The following MLF1 variants were observed in gnomAD, a reference collection of about 807,000 sequenced individuals.
MLF1 encodes myeloid leukemia factor 1, also known as myelodysplasia-myeloid leukemia factor 1.
Under a neutral mutation model 38.3 loss-of-function variants are expected in MLF1, and 37 were observed. That is an observed-to-expected ratio of 0.96 (90% CI 0.74 to 1.27). MLF1 has a LOEUF of 1.27. Ranked by LOEUF, MLF1 falls within the 50% of genes most tolerant of loss-of-function variation. The pLI, the probability that MLF1 is intolerant of heterozygous loss-of-function variation, is 0.00. For synonymous variants in MLF1, 95 were observed against 106.5 expected (o/e 0.89, Z 0.66); for missense variants, 331 against 349.2 (o/e 0.95, Z 0.42).
At chr3:158,588,048 G>A (rs1717511626) in intron 1 of MLF1, among the ~76,000 whole-genome samples, 1 of 152,120 alleles carries the variant, frequency 6.6e-6, no homozygotes, top group Admixed American at 6.5e-5. Flanking sequence ...TCTGTCTTAG[G>A]TGTTCTCTCA....
chr3:158,593,382 G>A lies in MLF1; in HGVS notation c.196G>A (p.Ala66Thr). Reference sequence around the variant, plus strand: ...AATGAATTGGATATTATTTTTCCAGGCAACGAGTTGTTCTCTTGTGCCTTT... The same window carrying A: ...AATGAATTGGATATTATTTTTCCAGACAACGAGTTGTTCTCTTGTGCCTTT... ...GHNDGEDSLT[A>T]TSCSLVPFGD... The change falls in exon 3 of 8, where the codon GCA becomes ACA. Residue 66 changes from alanine to threonine, a missense_variant and splice_region_variant. Ala to Thr is a moderately conservative substitution (Grantham distance 58). Coordinates refer to ENST00000466246, the MANE Select transcript of MLF1 (RefSeq NM_001369783.1). The A allele has an allele frequency of 6.4e-7, 1 of 1,550,652 alleles. No homozygotes were observed. The highest frequency in any genetic ancestry group is 8.7e-7 in the Non-Finnish European group (1 of 1,153,942).
At chr3:158,584,137 A>G (rs967198478) in intron 1 of MLF1, among the ~76,000 whole-genome samples, 2 of 152,202 alleles carry the variant, frequency 1.3e-5, no homozygotes, top group Admixed American at 1.3e-4. Context: ...CTAACAACCA[A>G]AGACAGAGTT....
intron 1 of MLF1, among the ~76,000 whole-genome samples, chr3:158,588,211 A>G (rs961143624): frequency 5.3e-5 from 8 of 152,158 alleles, no homozygotes; most frequent in Non-Finnish European, 1.2e-4. Context: ...TCAAGACTTG[A>G]GATGACTAAA....
In MLF1 at chr3:158,593,406, T is replaced by G; in HGVS notation, c.220T>G (p.Phe74Val). Residue 74 changes from phenylalanine to valine, a missense_variant, in exon 3 of 8, where the codon TTT becomes GTT. Coordinates refer to ENST00000466246, the MANE Select transcript of MLF1 (RefSeq NM_001369783.1). ...GGCAACGAGTTGTTCTCTTGTGCCT[T>G]TTGGCGATTTTGGTGGTATGGTTCG... ...LTATSCSLVP[F>V]GDFGGMHTDV... is the part of the protein sequence containing the mutation. The G allele has an allele frequency of 1.9e-6, 3 of 1,561,758 alleles. No homozygotes were observed. Among genetic ancestry groups the G allele is most frequent in the Non-Finnish European group, 2.6e-6 (3 of 1,160,108 alleles).
At chr3:158,602,218 T>C (rs768934831) in intron 6 of MLF1, among the ~76,000 whole-genome samples, 4 of 152,186 alleles carry the variant, frequency 2.6e-5, no homozygotes, top group African/African-American at 4.8e-5. Context: ...ATATATATAC[T>C]GAGTATTTCA....
chr3:158,571,479 G>A, intron 1 of MLF1, 132 bp downstream of exon 1: 1 of 1,107,138 alleles, frequency 9.0e-7, no homozygotes, highest in South Asian at 1.4e-5. Context: ...GTTTGAAGGA[G>A]ACGAGGATTT....
rs1450186237 is a variant in MLF1, at chr3:158,571,381, C to G, written c.47+34C>G. On this transcript the variant is annotated intron_variant, in intron 1 of 7. Coordinates refer to ENST00000466246, the MANE Select transcript of MLF1 (RefSeq NM_001369783.1). Reference sequence around the variant, plus strand: ...CGGGAGCCAGGAGTCCGGGGTCGCGCGGGAATTAAGGTATCGAGGGGAGCT... The same window carrying G: ...CGGGAGCCAGGAGTCCGGGGTCGCGGGGGAATTAAGGTATCGAGGGGAGCT... The G allele has an allele frequency of 2.5e-6, 4 of 1,612,350 alleles. 1 individual carries two copies. Among genetic ancestry groups the G allele is most frequent in the African/African-American group, 2.7e-5 (2 of 74,766 alleles).
At chr3:158,600,552 T>C (rs900402675) in intron 6 of MLF1, among the ~76,000 whole-genome samples, 2 of 145,404 alleles carry the variant, frequency 1.4e-5, no homozygotes, top group Admixed American at 1.4e-4. Flanking sequence ...AATATTTTAA[T>C]GTATTTCTTC....
rs1031683925 is a variant in MLF1, at chr3:158,592,540, C to T, written c.154C>T (p.His52Tyr). The change falls in exon 2 of 8, where the codon CAT (histidine) becomes TAT (tyrosine). Residue 52 changes from histidine (H) to tyrosine (Y), a missense_variant. His to Tyr is a moderately conservative substitution (Grantham distance 83). Coordinates refer to ENST00000466246, the MANE Select transcript of MLF1 (RefSeq NM_001369783.1). ...TATCTCTGATGGTAGAGGGAGAGCTCATAATCGTAGAGGACATAATGATGG... is the reference window on the plus strand; with the variant it reads ...TATCTCTGATGGTAGAGGGAGAGCTTATAATCGTAGAGGACATAATGATGG... ...LSISDGRGRA[H>Y]NRRGHNDGED... The T allele has an allele frequency of 6.2e-7, 1 of 1,611,972 alleles. No homozygotes were observed. Among genetic ancestry groups the T allele is most frequent in the Non-Finnish European group, 8.5e-7 (1 of 1,179,442 alleles).
At chr3:158,582,999 T>G in intron 1 of MLF1, 1 of 603,616 alleles carries the variant, frequency 1.7e-6, no homozygotes, top group Non-Finnish European at 2.9e-6. Flanking sequence ...CAAATAATAA[T>G]AGGCACACAC....
At chr3:158,587,074 G>A (rs1360505865) in intron 1 of MLF1, among the ~76,000 whole-genome samples, 1 of 152,186 alleles carries the variant, frequency 6.6e-6, no homozygotes, top group Non-Finnish European at 1.5e-5. Context: ...GCAGATTCCT[G>A]ATAATATTGT....
Position 158,592,414 on chromosome 3 carries a change from AT to A in MLF1, c.48-18del. 1 of 1,589,070 alleles carries A rather than the reference AT, an allele frequency of 6.3e-7. No homozygotes were observed. On this transcript the variant is annotated intron_variant, in intron 1 of 7. Coordinates refer to ENST00000466246, the MANE Select transcript of MLF1 (RefSeq NM_001369783.1). ...AAACTCCAACACTGAATCTTTCATG[AT>A]TATGTATATTTTCAACAGTGAGTCC...
chr3:158,572,439 C>G (rs2731112), intron 1 of MLF1, among the ~76,000 whole-genome samples: 64,169 of 96,638 alleles, frequency 0.66, 20,257 homozygotes, highest in African/African-American at 0.73. Flanking sequence ...CGTGAGGTGG[C>G]GGTAAGAGGG....
intron 2 of MLF1, 143 bp from the exon 3 acceptor site, chr3:158,593,239 C>A: frequency 3.7e-6 from 2 of 538,432 alleles, no homozygotes; most frequent in Middle Eastern, 4.9e-4. Context: ...TCTAAGATAA[C>A]AAGCCCTCAG....
At chr3:158,604,727 C>T (rs550150993) in intron 7 of MLF1, among the ~76,000 whole-genome samples, 3 of 152,194 alleles carry the variant, frequency 2.0e-5, no homozygotes, top group East Asian at 3.9e-4. Context: ...GGCGCGATCT[C>T]AACTCACTGC....
At chr3:158,599,213 C>G (rs531559999) in intron 5 of MLF1, among the ~76,000 whole-genome samples, 3 of 152,210 alleles carry the variant, frequency 2.0e-5, no homozygotes, top group South Asian at 4.1e-4. Context: ...ATACATGGCT[C>G]CTTATACAGA....
chr3:158,588,985 T>A, intron 1 of MLF1: 1 of 433,658 alleles, frequency 2.3e-6, no homozygotes, highest in Non-Finnish European at 4.6e-6. Flanking sequence ...TAAATAGGAG[T>A]TTCCCCTCCC....
chr3:158,581,867 T>A (rs1478043709), intron 1 of MLF1, among the ~76,000 whole-genome samples: 2 of 152,096 alleles, frequency 1.3e-5, no homozygotes, highest in East Asian at 3.9e-4. Context: ...AAAAATAAAA[T>A]GCTAGAGACT....
Position 158,602,921 on chromosome 3 carries a change from C to T in MLF1, c.728C>T (p.Ser243Phe), listed in dbSNP as rs568598486. 2.7e-4 allele frequency: 433 copies of T among 1,610,644 alleles called. 2 individuals are homozygous for T. In the South Asian group the frequency reaches 3.0e-3, roughly 11 times the overall value. ...AGTGTTGGCCATGAGAATCCTGGCT[C>T]CCGAGAACTTAAAAGAAGGTAAAAG... ...MRSVGHENPG[S>F]RELKRREKPQ... is the part of the protein sequence containing the mutation. Residue 243 changes from serine (S) to phenylalanine (F), a missense_variant, in exon 7 of 8, where the codon TCC becomes TTC. Physicochemically the swap from Ser to Phe is radical, Grantham distance 155. Coordinates refer to ENST00000466246, the MANE Select transcript of MLF1 (RefSeq NM_001369783.1).
Sources: allele counts gnomAD v4.1 joint callset (sites outside exome capture counted in the v4.1 genomes callset), GRCh38; gene constraint gnomAD v4.1.1; transcripts MANE v1.5; gene names NCBI Gene and HGNC (gene_info 2026-07-23, HGNC 2026-07-21).